Variants in CMTR2 observed in about 807,000 individuals in gnomAD.
The protein encoded by CMTR2 is cap methyltransferase 2.
A neutral mutation model predicts 49.8 loss-of-function variants in CMTR2; 40 were observed. The ratio of observed to expected loss-of-function variants is 0.80; its 90% CI spans 0.62 to 1.04. The LOEUF (loss-of-function observed/expected upper bound fraction) is 1.04, where lower values mean the gene tolerates loss of function less well. CMTR2 is among the 50% of genes least tolerant of loss of function. The probability of loss-of-function intolerance (pLI) is 0.00; values close to 1 mark genes in which losing one functional copy is unlikely to be tolerated. For synonymous variants in CMTR2, 326 were observed against 315.8 expected (o/e 1.03, Z -0.34); for missense variants, 907 against 897.2 (o/e 1.01, Z -0.14).
In CMTR2 at chr16:71,284,024, A is replaced by G. The variant is rs771064200; in HGVS notation, c.1897T>C (p.Ser633Pro). The change falls in exon 3 of 3, where the codon TCA becomes CCA. Residue 633 changes from serine to proline, a missense_variant. Physicochemically the swap from Ser to Pro is moderately conservative, Grantham distance 74 (BLOSUM62 -1). Transcript: ENST00000434935. ...TCTCCTGTATGAAGCTCCCGCAATG[A>G]ATGTAGAAGGCAGTCCAAAAATAAA... ...QRLFLDCLLHSLRELHTGDVM... is the reference protein window; with the variant it reads ...QRLFLDCLLHPLRELHTGDVM... The G allele has an allele frequency of 2.5e-6, 4 of 1,613,966 alleles. No individual in the cohort carries two copies. In the South Asian group the frequency reaches 4.4e-5, roughly 18 times the overall value.
intron 2 of CMTR2, chr16:71,287,649 G>T (rs1377352209): frequency 2.6e-5 from 4 of 152,194 alleles, no homozygotes; most frequent in African/African-American, 9.7e-5. Context: ...GCCCAGGCTG[G>T]TCTCAAAATC....
intron 2 of CMTR2, chr16:71,287,442 T>A (rs1472029082): frequency 6.6e-6 from 1 of 152,188 alleles, no homozygotes; most frequent in East Asian, 1.9e-4. Context: ...AAAAAAGTTT[T>A]TTTTTGAGAC....
chr16:71,285,087 A>C lies in CMTR2; in HGVS notation c.834T>G (p.Thr278=). Residue 278 remains threonine (T), a synonymous_variant, in exon 3 of 3, where the codon ACT becomes ACG. Transcript: ENST00000434935. ...AGTTTATGGAACAATGTTCAAACAT[A>C]GTAAACATCTTTAGAACAAAAGAGC... ...NGGSFVLKMF[T]MFEHCSINLM... is the part of the protein sequence containing the mutation. 6.2e-7 allele frequency: 1 copy of C among 1,613,976 alleles called. No homozygotes were observed. The highest frequency in any genetic ancestry group is 8.5e-7 in the Non-Finnish European group (1 of 1,179,808).
Position 71,283,874 on chromosome 16 carries a change from A to G in CMTR2, c.2047T>C (p.Cys683Arg). 6.2e-7 allele frequency: 1 copy of G among 1,613,956 alleles called. No homozygotes were observed. The highest frequency in any genetic ancestry group is 8.5e-7 in the Non-Finnish European group (1 of 1,179,854). The change falls in exon 3 of 3, where the codon TGC becomes CGC. Residue 683 changes from cysteine to arginine, a missense_variant. Cys to Arg is a radical substitution (Grantham distance 180). Transcript: ENST00000434935. Reference protein sequence around the residue: ...CPTSSDPLRTCAVLLCVGYQD... With the variant: ...CPTSSDPLRTRAVLLCVGYQD... ...TAACCAACACATAGCAGGACTGCGC[A>G]GGTCCTCAGGGGATCAGAGGATGTG...
At position 71,284,445 on chromosome 16, in the gene CMTR2, G is replaced by C; in HGVS notation, c.1476C>G (p.His492Gln). 1.2e-6 allele frequency: 2 copies of C among 1,613,936 alleles called. No homozygotes were observed. Among genetic ancestry groups the C allele is most frequent in the Non-Finnish European group, 1.7e-6 (2 of 1,179,958 alleles). The change falls in exon 3 of 3, where the codon CAC (histidine) becomes CAG (glutamine). Residue 492 changes from histidine (H) to glutamine (Q), a missense_variant. Physicochemically the swap from His to Gln is conservative, Grantham distance 24 (BLOSUM62 0). Coordinates refer to ENST00000434935, the MANE Select transcript of CMTR2 (RefSeq NM_018348.6). ...LEGTASNLEC[H>Q]LWHILEGKKL... ...TCTTTCCCTCCAAAATATGCCATAA[G>C]TGACACTCAAGATTGGAAGCTGTTC...
At chr16:71,289,058 G>A (rs1468501748) in intron 1 of CMTR2, 78 bp downstream of exon 1, 1 of 152,338 alleles carries the variant, frequency 6.6e-6, no homozygotes, top group East Asian at 1.9e-4. Flanking sequence ...CTGACCTGGA[G>A]GAAACTCAGT....
rs2041707684 is a variant in CMTR2 at position 71,285,501 on chromosome 16, A to G, written c.420T>C (p.Ser140=). ...QEAFQNGKLN[S]LHLCEAPGAF... ...CTCCTGGAGCTTCACAAAGGTGTAG[A>G]GAATTCAGTTTTCCATTCTGAAAAG... Residue 140 remains serine, a synonymous_variant, in exon 3 of 3, where the codon TCT becomes TCC. Coordinates refer to ENST00000434935, the MANE Select transcript of CMTR2 (RefSeq NM_018348.6). The G allele has an allele frequency of 1.9e-6, 3 of 1,614,076 alleles. No homozygotes were observed. Among genetic ancestry groups the G allele is most frequent in the Non-Finnish European group, 2.5e-6 (3 of 1,179,960 alleles).
At position 71,284,143 on chromosome 16, in the gene CMTR2, A is replaced by AT; in HGVS notation, c.1777dup (p.Met593AsnfsTer14). The AT allele has an allele frequency of 6.2e-7, 1 of 1,613,948 alleles. No homozygotes were observed. Among genetic ancestry groups the AT allele is most frequent in the Non-Finnish European group, 8.5e-7 (1 of 1,179,876 alleles). On this transcript the variant is annotated frameshift_variant, in exon 3 of 3. Transcript: ENST00000434935. LOFTEE classifies it high-confidence loss of function. ...GAGTCGAACTTCCAACGGTATATGCATTTTGATATTACGGAGAGTCGAAAA... is the reference window on the plus strand; with the variant it reads ...GAGTCGAACTTCCAACGGTATATGCATTTTTGATATTACGGAGAGTCGAAAA...
chr16:71,286,658 G>A (rs917433845), intron 2 of CMTR2: 1 of 151,838 alleles, frequency 6.6e-6, no homozygotes, highest in African/African-American at 2.4e-5. Flanking sequence ...CATACTGCTT[G>A]TAAACTGTGC....
rs1211365633 is a variant in CMTR2 at position 71,281,921 on chromosome 16, A to G, written c.*1687T>C. 6.6e-6 allele frequency: 1 copy of G among 150,660 alleles called. No individual in the cohort carries two copies. The highest frequency in any genetic ancestry group is 1.9e-4 in the East Asian group (1 of 5,142). The allele number at this position is 150,660 out of a possible 1,614,324, so 9.3% of individuals were successfully genotyped here. On this transcript the variant is annotated 3_prime_UTR_variant, in exon 3 of 3. Coordinates refer to ENST00000434935, the MANE Select transcript of CMTR2 (RefSeq NM_018348.6). ...TATATTGAATCCCACTTAGCAAGGC[A>G]TAAAGACTATTAAGTGCAAAATGGT...
In CMTR2 at chr16:71,284,525, T is replaced by G; in HGVS notation, c.1396A>C (p.Ser466Arg). ...TATACACCATGTTCTTCAGCCCAAC[T>G]ATTAAAGTATCCTTTGGCTACTTTA... is the stretch of plus-strand genomic sequence containing the variant. ...KDKVAKGYFN[S>R]WAEEHGVYHP... The change falls in exon 3 of 3, where the codon AGT (serine) becomes CGT (arginine). Residue 466 changes from serine (S) to arginine (R), a missense_variant. Transcript: ENST00000434935. 1 of 1,613,824 alleles carries G rather than the reference T, an allele frequency of 6.2e-7. No homozygotes were observed. Among genetic ancestry groups the G allele is most frequent in the Non-Finnish European group, 8.5e-7 (1 of 1,179,926 alleles).
At position 71,284,969 on chromosome 16, in the gene CMTR2, G is replaced by A. The variant is rs1316824956; in HGVS notation, c.952C>T (p.Leu318Phe). 1 of 1,614,130 alleles carries A rather than the reference G, an allele frequency of 6.2e-7. No homozygotes were observed. The highest frequency in any genetic ancestry group is 8.5e-7 in the Non-Finnish European group (1 of 1,179,992). Residue 318 changes from leucine (L) to phenylalanine (F), a missense_variant, in exon 3 of 3, where the codon CTC (leucine) becomes TTC (phenylalanine). By Grantham distance (22) the Leu-to-Phe change is conservative. Coordinates refer to ENST00000434935, the MANE Select transcript of CMTR2 (RefSeq NM_018348.6). ...AGNSEVYVVC[L>F]HYKGREAIHP... ...ATGGCCTCTCTCCCCTTATAGTGGA[G>A]GCAAACCACATAGACTTCGGAGTTT...
chr16:71,284,123 G>C lies in CMTR2; in HGVS notation c.1798C>G (p.Arg600Gly), dbSNP rs200221398. Residue 600 changes from arginine to glycine, a missense_variant, in exon 3 of 3, where the codon CGA becomes GGA. Physicochemically the swap from Arg to Gly is moderately radical, Grantham distance 125. Transcript: ENST00000434935. ...GTGAGTTCAGCTGATTCTAGGAGTC[G>C]AACTTCCAACGGTATATGCATTTTG... ...NIKMHIPLEVRLLESAELTTF... is the reference protein window; with the variant it reads ...NIKMHIPLEVGLLESAELTTF... 6.2e-7 allele frequency: 1 copy of C among 1,613,960 alleles called. No individual in the cohort carries two copies. Among genetic ancestry groups the C allele is most frequent in the Non-Finnish European group, 8.5e-7 (1 of 1,179,912 alleles).
At chr16:71,288,055 C>G (rs2041760422) in intron 2 of CMTR2, 1 of 152,190 alleles carries the variant, frequency 6.6e-6, no homozygotes, top group African/African-American at 2.4e-5. Flanking sequence ...GTGATTCAGA[C>G]ACTCCACCGT....
rs926692269 is a variant in CMTR2, at chr16:71,281,619, C to A, written c.*1989G>T. On this transcript the variant is annotated 3_prime_UTR_variant, in exon 3 of 3. Coordinates refer to ENST00000434935, the MANE Select transcript of CMTR2 (RefSeq NM_018348.6). Reference sequence around the variant, plus strand: ...CATCTATTAATATATCCAGTTCAATCTGAACCTTCCTCAAGTCATGTCTAA... The same window carrying A: ...CATCTATTAATATATCCAGTTCAATATGAACCTTCCTCAAGTCATGTCTAA... 1 of 151,904 alleles carries A rather than the reference C, an allele frequency of 6.6e-6. No homozygotes were observed. Among genetic ancestry groups the A allele is most frequent in the South Asian group, 2.1e-4 (1 of 4,828 alleles). 9.4% of individuals were successfully genotyped at this position (151,904 alleles called of 1,614,324 possible). A position where few individuals can be genotyped will look rare whatever the true frequency, so the allele number is the denominator to read the frequency against.
rs1178259422 is a variant in CMTR2, at chr16:71,285,887, G to A, written c.34C>T (p.Leu12=). The change falls in exon 3 of 3, where the codon CTA becomes TTA. Residue 12 remains leucine (L), a synonymous_variant. Coordinates refer to ENST00000434935, the MANE Select transcript of CMTR2 (RefSeq NM_018348.6). ...SKCRKTPVQQ[L]ASPASFSPDI... ...GGGCTGAATGACGCGGGACTTGCTA[G>A]CTGCTGAACTGGTGTCTTTCTGCAC... 12 of 1,599,608 alleles carry A rather than the reference G, an allele frequency of 7.5e-6. No homozygotes were observed. The African/African-American group carries it at 9.4e-5, about 13-fold the overall frequency.
In CMTR2 at chr16:71,283,417, G is replaced by C. The variant is rs1044884325; in HGVS notation, c.*191C>G. On this transcript the variant is annotated 3_prime_UTR_variant, in exon 3 of 3. Coordinates refer to ENST00000434935, the MANE Select transcript of CMTR2 (RefSeq NM_018348.6). ...ATTGCATAGATTCCACCACGTGGAAGAGCTCTATGCCTGTGGGTGTATATA... is the reference window on the plus strand; with the variant it reads ...ATTGCATAGATTCCACCACGTGGAACAGCTCTATGCCTGTGGGTGTATATA... The C allele has an allele frequency of 1.1e-5, 7 of 621,442 alleles. No individual in the cohort carries two copies. The highest frequency in any genetic ancestry group is 1.9e-5 in the Non-Finnish European group (7 of 363,166). The allele number at this position is 621,442 out of a possible 1,614,324, so 38.5% of individuals were successfully genotyped here.
At position 71,284,615 on chromosome 16, in the gene CMTR2, GC is replaced by G; in HGVS notation, c.1305del (p.Gln436ArgfsTer15). 1 of 1,612,828 alleles carries G rather than the reference GC, an allele frequency of 6.2e-7. No homozygotes were observed. The highest frequency in any genetic ancestry group is 8.5e-7 in the Non-Finnish European group (1 of 1,179,554). On this transcript the variant is annotated frameshift_variant, in exon 3 of 3. Transcript: ENST00000434935. LOFTEE classifies it high-confidence loss of function. ...TAAGTTTTAAAATATTTGTTCCTCTGCCCAAACCATTTTGTATTTGTACTAC... is the reference window on the plus strand; with the variant it reads ...TAAGTTTTAAAATATTTGTTCCTCTGCCAAACCATTTTGTATTTGTACTAC... ...IGCSTNTKWF[G>X]QRNKYFKTYN...
upstream of CMTR2, chr16:71,289,543 C>T (rs1217687394): frequency 6.6e-6 from 1 of 152,256 alleles, no homozygotes; most frequent in African/African-American, 2.4e-5. Flanking sequence ...AGGCGCCAGC[C>T]TCCCGCCCCC....
Sources: allele counts gnomAD v4.1 joint callset, GRCh38; gene constraint gnomAD v4.1.1; transcripts MANE v1.5; gene names NCBI Gene and HGNC (gene_info 2026-07-23, HGNC 2026-07-21).